Variants in CHID1 observed in about 807,000 individuals in gnomAD.
CHID1 encodes the protein chitinase domain-containing protein 1.
CHID1 carries 44 observed loss-of-function variants against 55.4 expected under a neutral mutation model. The ratio of observed to expected loss-of-function variants is 0.79; its 90% CI spans 0.62 to 1.02. CHID1 has a LOEUF of 1.02. Ranked by LOEUF, CHID1 falls within the 50% of genes least tolerant of loss-of-function variation. The probability of loss-of-function intolerance (pLI) is 0.00; values close to 1 mark genes in which losing one functional copy is unlikely to be tolerated. For synonymous variants in CHID1, 216 were observed against 212.9 expected (o/e 1.01, Z -0.13); for missense variants, 491 against 515.3 (o/e 0.95, Z 0.46).
chr11:883,358 C>T (rs1850148484), intron 9 of CHID1, 55 bp from the exon 10 acceptor site: 1 of 1,552,702 alleles, frequency 6.4e-7, no homozygotes, highest in Non-Finnish European at 8.8e-7. Context: ...CGCACCTGAG[C>T]CATCATTGGG....
chr11:891,168 C>T (rs545839471), intron 8 of CHID1, among the ~76,000 whole-genome samples: 24 of 152,280 alleles, frequency 1.6e-4, no homozygotes, highest in Non-Finnish European at 2.2e-4. Context: ...GGAGAACCCA[C>T]GGGAGCCTCA....
intron 10 of CHID1, among the ~76,000 whole-genome samples, chr11:881,899 G>A (rs888408360): frequency 2.6e-5 from 4 of 151,720 alleles, no homozygotes; most frequent in African/African-American, 4.8e-5. Context: ...AGCTATTTGC[G>A]AGGCTGAGGT....
intron 10 of CHID1, chr11:870,713 A>G (rs1189232780): frequency 1.8e-6 from 1 of 544,454 alleles, no homozygotes; most frequent in Non-Finnish European, 3.3e-6. Flanking sequence ...ATCTTCCAGG[A>G]GCTTCCTCGG....
intron 10 of CHID1, among the ~76,000 whole-genome samples, chr11:876,666 A>T (rs1849540550): frequency 2.6e-5 from 4 of 152,166 alleles, no homozygotes; most frequent in Admixed American, 2.6e-4. Context: ...TGTACCCTTG[A>T]GGCAGGAGCC....
In CHID1 at chr11:883,788, G is replaced by C. The variant is rs145413584; in HGVS notation, c.803+280C>G. Reference sequence around the variant, plus strand: ...ACAACAGTGTGGCTCAGGCGAAAGAGGACAGGGCGGCATCGGGCAGCAGCA... The same window carrying C: ...ACAACAGTGTGGCTCAGGCGAAAGACGACAGGGCGGCATCGGGCAGCAGCA... On this transcript the variant is annotated intron_variant, in intron 9 of 12. Transcript: ENST00000323578. 2.7e-3 allele frequency among the ~76,000 whole-genome samples: 418 copies of C among 152,368 alleles called. 3 individuals are homozygous for C. The highest frequency in any genetic ancestry group is 9.7e-3 in the African/African-American group (404 of 41,580).
chr11:885,822 G>A (rs1320838402), intron 8 of CHID1, among the ~76,000 whole-genome samples: 3 of 152,146 alleles, frequency 2.0e-5, no homozygotes, highest in African/African-American at 7.2e-5. Context: ...GAACTTCTGG[G>A]CTCAAGCAAT....
chr11:889,348 C>T (rs1256126716), intron 8 of CHID1, among the ~76,000 whole-genome samples: 2 of 152,202 alleles, frequency 1.3e-5, no homozygotes, highest in Non-Finnish European at 1.5e-5. Context: ...TTCCCTCGGC[C>T]GACCAGCTGC....
At chr11:914,299 C>T (rs1464947442), upstream of CHID1, 1 of 223,606 alleles carries the variant, frequency 4.5e-6, no homozygotes, top group East Asian at 1.6e-4. Flanking sequence ...CCCAGCCCTC[C>T]TTACCCGGGG....
At chr11:887,773 C>A (rs1850506110) in intron 8 of CHID1, among the ~76,000 whole-genome samples, 1 of 152,188 alleles carries the variant, frequency 6.6e-6, no homozygotes, top group African/African-American at 2.4e-5. Context: ...GGCTCGTGTG[C>A]CTCCCCCACA....
Position 870,493 on chromosome 11 carries a change from G to A in CHID1, c.966C>T (p.Ile322=), listed in dbSNP as rs1190045638. 1.2e-6 allele frequency: 2 copies of A among 1,608,902 alleles called. No homozygotes were observed. Among genetic ancestry groups the A allele is most frequent in the African/African-American group, 1.3e-5 (1 of 74,974 alleles). Residue 322 remains isoleucine (I), a synonymous_variant, in exon 11 of 13, where the codon ATC becomes ATT. Coordinates refer to ENST00000323578, the MANE Select transcript of CHID1 (RefSeq NM_023947.4). ...GGGGCCTGTGGTCCTTCAGTGTCTG[G>A]ATGTACCTGGGGAGACCAGGATATG... ...AREPVVGARY[I]QTLKDHRPRM...
chr11:914,343 C>G, upstream of CHID1: 1 of 332,368 alleles, frequency 3.0e-6, no homozygotes, highest in Non-Finnish European at 5.8e-6. Context: ...GGTCCAGGCT[C>G]TGCCCTGTAG....
In CHID1 at chr11:901,601, G is replaced by A. The variant is rs546168382; in HGVS notation, c.394+597C>T. ...GAAAATCGCTGAGAGAGGGACAGAG[G>A]AGGAGAAGCCAATGGCCCGTGCCGT... On this transcript the variant is annotated intron_variant, in intron 4 of 12. Coordinates refer to ENST00000323578, the MANE Select transcript of CHID1 (RefSeq NM_023947.4). Among the ~76,000 whole-genome samples the A allele has an allele frequency of 2.6e-5, 4 of 152,336 alleles. 1 individual carries two copies. The highest frequency in any genetic ancestry group is 7.2e-5 in the African/African-American group (3 of 41,584).
chr11:882,700 T>G (rs538558552), intron 10 of CHID1, among the ~76,000 whole-genome samples: 1 of 152,114 alleles, frequency 6.6e-6, no homozygotes, highest in Non-Finnish European at 1.5e-5. Context: ...CAGCCAGAAT[T>G]CTACAGCCAG....
At position 874,163 on chromosome 11, in the gene CHID1, G is replaced by A. The variant is rs1483746860; in HGVS notation, c.960-3664C>T. ...GACTTTGCCAAGGTCTAAAACGCAAGGATTAAAAACAGAGGGGGCCGGGCG... is the reference window on the plus strand; with the variant it reads ...GACTTTGCCAAGGTCTAAAACGCAAAGATTAAAAACAGAGGGGGCCGGGCG... On this transcript the variant is annotated intron_variant, in intron 10 of 12. Transcript: ENST00000323578. Among the ~76,000 whole-genome samples, 4 of 152,288 alleles carry A rather than the reference G, an allele frequency of 2.6e-5. No individual in the cohort carries two copies. The East Asian group carries it at 7.7e-4, about 29-fold the overall frequency.
chr11:883,201 A>G lies in CHID1; in HGVS notation c.906T>C (p.Tyr302=). 1 of 1,614,128 alleles carries G rather than the reference A, an allele frequency of 6.2e-7. No homozygotes were observed. The highest frequency in any genetic ancestry group is 1.1e-5 in the South Asian group (1 of 91,088). ...CCTTGGAGGTCGCGTAGTCCATACC[A>G]TAGAAGTTGAGCCCCAGGAGGATTT... is the stretch of plus-strand genomic sequence containing the variant. The part of the protein sequence containing the change: ...RSKILLGLNF[Y]GMDYATSKDA... The change falls in exon 10 of 13, where the codon TAT becomes TAC. Residue 302 remains tyrosine, a synonymous_variant. Transcript: ENST00000323578.
chr11:910,905 A>ACAGGGGACTGGGCAGGGCCG (rs1565211982), upstream of CHID1: 170 of 957,208 alleles, frequency 1.8e-4, 1 homozygote, highest in African/African-American at 2.9e-3. Context: ...GGGCTGGGCC[A>ACAGGGGACTGGGCAGGGCCG]GGACAGGGGA....
intron 7 of CHID1, among the ~76,000 whole-genome samples, chr11:896,462 G>C (rs1288684799): frequency 3.8e-5 from 5 of 130,250 alleles, no homozygotes; most frequent in Admixed American, 1.5e-4. Flanking sequence ...CAGACACAAG[G>C]CTGTCTCAGC....
intron 3 of CHID1, among the ~76,000 whole-genome samples, chr11:902,640 G>T (rs990050120): frequency 3.3e-5 from 5 of 149,578 alleles, no homozygotes; most frequent in Non-Finnish European, 6.0e-5. Context: ...GAGGAGGCTG[G>T]GTGTGAGAAC....
intron 10 of CHID1, among the ~76,000 whole-genome samples, chr11:877,697 C>T (rs1042658595): frequency 4.0e-5 from 6 of 151,274 alleles, no homozygotes; most frequent in Non-Finnish European, 8.8e-5. Flanking sequence ...AAAATTCACA[C>T]TGAAATGTAA....
Sources: gnomAD v4.1 joint callset for allele counts (sites outside exome capture counted in the v4.1 genomes callset) on GRCh38, gnomAD v4.1.1 for gene constraint, MANE v1.5 for transcripts, NCBI Gene and HGNC (gene_info 2026-07-23, HGNC 2026-07-21) for gene names.